Variants in DMD observed in about 807,000 individuals in gnomAD.
DMD encodes dystrophin.
In DMD, 63 loss-of-function variants were observed where a neutral mutation model predicts 330.1. That is an observed-to-expected ratio of 0.19 (90% CI 0.16 to 0.24). The LOEUF (loss-of-function observed/expected upper bound fraction) is 0.24, where lower values mean the gene tolerates loss of function less well. DMD is among the 10% of genes least tolerant of loss of function. The pLI, the probability that DMD is intolerant of heterozygous loss-of-function variation, is 1.00. For synonymous variants in DMD, 1,223 were observed against 959.8 expected, an observed-to-expected ratio of 1.27 and a Z score of -5.07; for missense variants, 3,344 against 2,684.1, an observed-to-expected ratio of 1.25 and a Z score of -5.43.
intron 1 of DMD, among the ~76,000 whole-genome samples, chrX:33,152,784 G>A (rs2048340449): frequency 9.0e-6 from 1 of 111,221 alleles, no homozygotes; most frequent in Non-Finnish European, 1.9e-5. Flanking sequence ...CTTCATTCCA[G>A]GAATCATATT....
At chrX:32,136,409 C>T (rs927389661) in intron 44 of DMD, among the ~76,000 whole-genome samples, 14 of 112,513 alleles carry the variant, frequency 1.2e-4, no homozygotes, top group African/African-American at 4.2e-4. Context: ...TGGTCACACT[C>T]TACTCCCTTC....
chrX:31,191,634 T>G (rs1446235968), intron 67 of DMD, among the ~76,000 whole-genome samples: 1 of 111,840 alleles, frequency 8.9e-6, no homozygotes, highest in Non-Finnish European at 1.9e-5. Flanking sequence ...AAGTTGTGAC[T>G]TGCTCCTCCT....
chrX:32,675,328 A>G (rs1019384002), intron 9 of DMD, among the ~76,000 whole-genome samples: 4 of 111,379 alleles, frequency 3.6e-5, no homozygotes, highest in African/African-American at 1.3e-4. Flanking sequence ...CTCCTGAAAG[A>G]GATGGTAATA....
chrX:31,226,094 T>G (rs1200643180), intron 63 of DMD, among the ~76,000 whole-genome samples: 1 of 112,027 alleles, frequency 8.9e-6, no homozygotes, highest in Non-Finnish European at 1.9e-5. Context: ...TGAGGAAGAA[T>G]AGCATCAGTA....
chrX:32,466,460 G>A (rs929539713), intron 23 of DMD, among the ~76,000 whole-genome samples: 5 of 111,016 alleles, frequency 4.5e-5, no homozygotes, highest in African/African-American at 1.6e-4. Context: ...GCTGAATAAT[G>A]CTACCCCCAA....
intron 51 of DMD, among the ~76,000 whole-genome samples, chrX:31,772,426 C>T (rs1368154628): frequency 1.8e-5 from 2 of 111,695 alleles, no homozygotes; most frequent in African/African-American, 6.5e-5. Flanking sequence ...AAATAAAAGT[C>T]CTGGGAGTAT....
chrX:33,205,852 C>T (rs999943824), intron 1 of DMD, among the ~76,000 whole-genome samples: 1 of 111,486 alleles, frequency 9.0e-6, no homozygotes, highest in African/African-American at 3.3e-5. Flanking sequence ...CAAGAGACTT[C>T]GTGATATATA....
At chrX:32,465,042 T>C (rs1300355670) in intron 23 of DMD, among the ~76,000 whole-genome samples, 2 of 112,153 alleles carry the variant, frequency 1.8e-5, no homozygotes, top group Non-Finnish European at 3.8e-5. Context: ...TTACAGTACA[T>C]AAAACAAACT....
chrX:31,339,243 G>A (rs2057589498), intron 61 of DMD, among the ~76,000 whole-genome samples: 1 of 111,730 alleles, frequency 9.0e-6, no homozygotes, highest in South Asian at 3.8e-4. Flanking sequence ...AAATAAATCT[G>A]AGAGCTTATT....
chrX:32,733,158 G>C (rs1293456410), intron 7 of DMD, among the ~76,000 whole-genome samples: 11 of 109,577 alleles, frequency 1.0e-4, no homozygotes, highest in African/African-American at 3.4e-4. Context: ...GATCAAAAGA[G>C]ACAAAGAAGG....
chrX:32,310,016 T>C (rs2097555805), intron 42 of DMD, 66 bp downstream of exon 42: 2 of 1,018,084 alleles, frequency 2.0e-6, no homozygotes, highest in South Asian at 3.9e-5. Context: ...AAGTCAATTG[T>C]TCTGGCACTA....
chrX:32,666,868 G>C (rs1411296910), intron 9 of DMD, among the ~76,000 whole-genome samples: 2 of 107,934 alleles, frequency 1.9e-5, no homozygotes, highest in Non-Finnish European at 3.8e-5. Flanking sequence ...GCAAGGTTTT[G>C]TGAGGCAAGG....
intron 44 of DMD, among the ~76,000 whole-genome samples, chrX:32,174,560 A>C (rs1687928731): frequency 8.9e-6 from 1 of 112,232 alleles, no homozygotes; most frequent in Non-Finnish European, 1.9e-5. Flanking sequence ...GAATAGTTGC[A>C]ACAGAGTATA....
intron 16 of DMD, among the ~76,000 whole-genome samples, chrX:32,560,525 G>A (rs1369294809): frequency 2.7e-5 from 3 of 110,309 alleles, no homozygotes; most frequent in Non-Finnish European, 3.8e-5. Flanking sequence ...GTGGTATGGT[G>A]CACCTACAGA....
At chrX:32,986,956 T>C (rs2147270068) in intron 2 of DMD, among the ~76,000 whole-genome samples, 1 of 112,449 alleles carries the variant, frequency 8.9e-6, no homozygotes, top group African/African-American at 3.2e-5. Context: ...TAGCTGTTTC[T>C]GAAATGTCTA....
At chrX:33,303,414 C>A (rs1016916020) in intron 1 of DMD, among the ~76,000 whole-genome samples, 26 of 111,497 alleles carry the variant, frequency 2.3e-4, no homozygotes, top group South Asian at 3.8e-4. Flanking sequence ...AAGAGACTTA[C>A]ATATAATACA....
intron 12 of DMD, among the ~76,000 whole-genome samples, chrX:32,608,218 T>C (rs1248354549): frequency 9.1e-6 from 1 of 110,269 alleles, no homozygotes. Flanking sequence ...ATTTTAATAA[T>C]CTATAGCATT....
chrX:32,729,787 G>C (rs1041760331), intron 7 of DMD, among the ~76,000 whole-genome samples: 3 of 111,485 alleles, frequency 2.7e-5, no homozygotes, highest in Admixed American at 9.6e-5. Flanking sequence ...TTATTCTTTT[G>C]ACTTTCCTAT....
rs191138665 is a variant in DMD at position 32,837,848 on chromosome X, C to T, written c.264+6935G>A. Among the ~76,000 whole-genome samples, 38 of 112,039 alleles carry T rather than the reference C, an allele frequency of 3.4e-4. No homozygotes were observed. The East Asian group carries it at 9.6e-3, about 28-fold the overall frequency. ...AGCATTCCCAATAATGACAGACATA[C>T]GATTTTCTGAATGCCTTGTTGAGAG... On this transcript the variant is annotated intron_variant, in intron 4 of 78. Transcript: ENST00000357033.
Sources: allele counts gnomAD v4.1 joint callset (sites outside exome capture counted in the v4.1 genomes callset), GRCh38; gene constraint gnomAD v4.1.1; transcripts MANE v1.5; gene names NCBI Gene and HGNC (gene_info 2026-07-23, HGNC 2026-07-21).